ARID1B: variants seen among roughly 807,000 people sequenced by gnomAD.
The protein encoded by ARID1B is AT-rich interactive domain-containing protein 1B.
ARID1B carries 30 observed loss-of-function variants against 212.3 expected under a neutral mutation model. The ratio of observed to expected loss-of-function variants is 0.14; its 90% CI spans 0.11 to 0.19. ARID1B has a LOEUF of 0.19. Among genes scored for constraint, ARID1B ranks in the 10% least tolerant of loss-of-function variants. The pLI, the probability that ARID1B is intolerant of heterozygous loss-of-function variation, is 1.00. For missense variants in ARID1B, 2,891 were observed against 3,204.0 expected (o/e 0.90, Z 2.36); for synonymous variants, 1,402 against 1,301.7 (o/e 1.08, Z -1.66).
chr6:157,177,461 T>C (rs972418305), intron 11 of ARID1B, among the ~76,000 whole-genome samples: 1 of 152,368 alleles, frequency 6.6e-6, no homozygotes, highest in South Asian at 2.1e-4. Flanking sequence ...TAATAAAGCC[T>C]GTCTAACAGC....
intron 4 of ARID1B, among the ~76,000 whole-genome samples, chr6:157,043,466 C>T (rs569816485): frequency 4.2e-4 from 64 of 152,254 alleles, no homozygotes; most frequent in East Asian, 1.5e-3. Context: ...TGGGAGACAG[C>T]GTGATATGGC....
intron 4 of ARID1B, among the ~76,000 whole-genome samples, chr6:156,968,109 G>C (rs528938400): frequency 4.3e-4 from 65 of 152,146 alleles, no homozygotes; most frequent in Non-Finnish European, 7.6e-4. Context: ...CACTGTCCTT[G>C]AGCTTTAACC....
chr6:157,171,996 G>A (rs1230119131), intron 9 of ARID1B, among the ~76,000 whole-genome samples: 3 of 152,120 alleles, frequency 2.0e-5, no homozygotes, highest in Non-Finnish European at 2.9e-5. Context: ...GGAGAAGCTC[G>A]ATGCCACAGA....
At position 157,094,051 on chromosome 6, in the gene ARID1B, ACTT is replaced by A. The variant is rs1287587751; in HGVS notation, c.2491+9150_2491+9152del. Among the ~76,000 whole-genome samples the A allele has an allele frequency of 1.3e-5, 2 of 152,178 alleles. No homozygotes were observed. Among genetic ancestry groups the A allele is most frequent in the Admixed American group, 6.5e-5 (1 of 15,280 alleles). The stretch of plus-strand genomic sequence containing the variant: ...GGTAGTCAAGGAAAAAAATCAGGTT[ACTT>A]CTTTAGATAGCAGTGGCTAGTTAGG... On this transcript the variant is annotated intron_variant, in intron 5 of 19. Transcript: ENST00000636930. This position sits in a 1 kb window ranked among gnomAD's most constrained non-coding sequence, Gnocchi z 4.3.
At chr6:157,134,333 A>C (rs1046195288) in intron 7 of ARID1B, among the ~76,000 whole-genome samples, 4 of 152,230 alleles carry the variant, frequency 2.6e-5, no homozygotes, top group Non-Finnish European at 5.9e-5. Context: ...GAAAGATCTT[A>C]AACAGTTTCA....
At chr6:156,970,702 T>G (rs1462986943) in intron 4 of ARID1B, among the ~76,000 whole-genome samples, 2 of 152,226 alleles carry the variant, frequency 1.3e-5, no homozygotes, top group South Asian at 2.1e-4. Context: ...TGCCCAGCCT[T>G]CCTTCTGCAT....
chr6:157,122,595 A>G (rs970944692), intron 6 of ARID1B, among the ~76,000 whole-genome samples: 3 of 152,200 alleles, frequency 2.0e-5, no homozygotes, highest in African/African-American at 4.8e-5. Flanking sequence ...ATACCCTCAC[A>G]CAAGCTCTGG....
chr6:156,867,139 G>T (rs1785759061), intron 2 of ARID1B, among the ~76,000 whole-genome samples: 1 of 152,202 alleles, frequency 6.6e-6, no homozygotes, highest in South Asian at 2.1e-4. Flanking sequence ...CAACCAACAA[G>T]AGGTGTACAC....
intron 5 of ARID1B, among the ~76,000 whole-genome samples, chr6:157,099,432 C>G (rs1446471796): frequency 6.6e-6 from 1 of 152,132 alleles, no homozygotes. Flanking sequence ...TATTAGTGAT[C>G]AGACTATTAA....
chr6:157,134,146 A>G (rs1788745472), intron 7 of ARID1B, among the ~76,000 whole-genome samples: 1 of 152,202 alleles, frequency 6.6e-6, no homozygotes, highest in Non-Finnish European at 1.5e-5. Context: ...CACTTCTACA[A>G]CAAAACCAGG....
intron 2 of ARID1B, among the ~76,000 whole-genome samples, chr6:156,892,616 G>A (rs565946790): frequency 3.9e-5 from 6 of 152,202 alleles, no homozygotes; most frequent in East Asian, 1.9e-4. Context: ...AATTACATAC[G>A]TCTAGGATAC....
chr6:156,989,867 C>T (rs1778164296), intron 4 of ARID1B, among the ~76,000 whole-genome samples: 1 of 152,132 alleles, frequency 6.6e-6, no homozygotes, highest in African/African-American at 2.4e-5. Context: ...TTCTGTATTG[C>T]TGCCATGTGG....
In ARID1B at chr6:156,897,261, C is replaced by CTTATTATTATTATTA. The variant is rs1299353702; in HGVS notation, c.1987-4113_1987-4112insATTATTATTATTATT. Among the ~76,000 whole-genome samples, 531 of 92,536 alleles carry CTTATTATTATTATTA rather than the reference C, an allele frequency of 5.7e-3. 2 individuals are homozygous for CTTATTATTATTATTA. The highest frequency in any genetic ancestry group is 0.012 in the Admixed American group (105 of 8,678). The allele number at this position is 92,536 out of a possible 152,430, so 60.7% of individuals were successfully genotyped here. On this transcript the variant is annotated intron_variant, in intron 2 of 19. Transcript: ENST00000636930. ...TCTTCTTCTTCTTCTTCTTCTTCTTCTTCTTATTATTATTATTATTATTAT... is the reference window on the plus strand; with the variant it reads ...TCTTCTTCTTCTTCTTCTTCTTCTTCTTATTATTATTATTATTCTTATTATTATTATTATTATTAT...
At chr6:156,830,498 A>G (rs1284872771) in intron 2 of ARID1B, among the ~76,000 whole-genome samples, 3 of 152,202 alleles carry the variant, frequency 2.0e-5, no homozygotes, top group Non-Finnish European at 4.4e-5. Flanking sequence ...CTGTATATTA[A>G]CAGTTCATCA....
intron 4 of ARID1B, among the ~76,000 whole-genome samples, chr6:156,960,506 C>CT (rs1794300368): frequency 1.3e-5 from 2 of 151,966 alleles, no homozygotes; most frequent in Admixed American, 1.3e-4. Context: ...AAGTATTGGC[C>CT]TTAAAAGTAC....
intron 13 of ARID1B, chr6:157,185,389 A>G (rs1029978341): frequency 6.6e-6 from 1 of 152,224 alleles, no homozygotes; most frequent in Admixed American, 6.5e-5. Flanking sequence ...GGCTGCACCC[A>G]CCGCTCCTGT....
Position 157,203,823 on chromosome 6 carries a change from TAG to T in ARID1B, c.5264-40_5264-39del, listed in dbSNP as rs748211152. ...TCGTTAACTTTCGTTCTTTCATGCA[TAG>T]AGTCAACATTCATGATATCCTTGTT... On this transcript the variant is annotated intron_variant, in intron 18 of 19. Coordinates refer to ENST00000636930, the MANE Select transcript of ARID1B (RefSeq NM_001374828.1). This position sits in a 1 kb window ranked among gnomAD's most constrained non-coding sequence, Gnocchi z 4.4. The T allele has an allele frequency of 6.2e-7, 1 of 1,611,036 alleles. No homozygotes were observed. The highest frequency in any genetic ancestry group is 8.5e-7 in the Non-Finnish European group (1 of 1,177,664).
intron 4 of ARID1B, chr6:156,985,765 A>G (rs9384521): frequency 0.19 from 29,578 of 152,148 alleles, 3,178 homozygotes; most frequent in East Asian, 0.41. Flanking sequence ...AAACGTCTGC[A>G]CATTGCTACA....
rs1789965695 is a variant in ARID1B, at chr6:157,148,539, C to T, written c.2762-85C>T. On this transcript the variant is annotated intron_variant, in intron 7 of 19. Coordinates refer to ENST00000636930, the MANE Select transcript of ARID1B (RefSeq NM_001374828.1). This position sits in a 1 kb window ranked among gnomAD's most constrained non-coding sequence, Gnocchi z 5.6. ...GTCATGACTAATACTCCGTGCTGAT[C>T]GCATTGTTGGACAAAAAGTATTTCC... The T allele has an allele frequency of 7.0e-6, 10 of 1,429,878 alleles. No homozygotes were observed. Among genetic ancestry groups the T allele is most frequent in the East Asian group, 2.3e-5 (1 of 43,316 alleles). The allele number at this position is 1,429,878 out of a possible 1,614,324, so 88.6% of individuals were successfully genotyped here.
Sources: allele counts gnomAD v4.1 joint callset (sites outside exome capture counted in the v4.1 genomes callset), GRCh38; gene constraint gnomAD v4.1.1; non-coding constraint Gnocchi (gnomAD v3.1); transcripts MANE v1.5; gene names NCBI Gene and HGNC (gene_info 2026-07-23, HGNC 2026-07-21).